The following AHNAK2 variants were observed in gnomAD, a reference collection of about 807,000 sequenced individuals.
AHNAK2 encodes the protein protein AHNAK2.
Under a neutral mutation model 30.7 loss-of-function variants are expected in AHNAK2, and 18 were observed. The observed-to-expected ratio is 0.59, with a 90% CI of 0.41 to 0.87. The LOEUF (loss-of-function observed/expected upper bound fraction) is 0.87, where lower values mean the gene tolerates loss of function less well. Among genes scored for constraint, AHNAK2 ranks in the 40% least tolerant of loss-of-function variants. The pLI, the probability that AHNAK2 is intolerant of heterozygous loss-of-function variation, is 0.00. For missense variants in AHNAK2, 8,604 were observed against 7,373.0 expected (o/e 1.17, Z -6.11); for synonymous variants, 3,590 against 3,073.8 (o/e 1.17, Z -5.56).
rs748455945 is a variant in AHNAK2 at position 104,949,679 on chromosome 14, G to A, written c.5772C>T (p.Pro1924=). The A allele has an allele frequency of 6.3e-7, 1 of 1,587,184 alleles. No homozygotes were observed. Among genetic ancestry groups the A allele is most frequent in the Non-Finnish European group, 8.6e-7 (1 of 1,162,874 alleles). The change falls in exon 7 of 7, where the codon CCC becomes CCT. Residue 1924 remains proline, a synonymous_variant. Transcript: ENST00000333244. ...GCTTGGCGCCCTTAACATCTGTCTG[G>A]GGGCCCTTGAGGTCCACTTTGGGCA... is the stretch of plus-strand genomic sequence containing the variant. ...FKMPKVDLKG[P]QTDVKGAKLD...
intron 1 of AHNAK2, among the ~76,000 whole-genome samples, chr14:104,975,157 G>A (rs77164713): frequency 0.017 from 2,533 of 152,316 alleles, 69 homozygotes; most frequent in African/African-American, 0.057. Context: ...CGACGAGCCC[G>A]GATGGGAGTG....
chr14:104,944,783 C>T lies in AHNAK2; in HGVS notation c.10668G>A (p.Leu3556=). 6.2e-7 allele frequency: 1 copy of T among 1,612,872 alleles called. No homozygotes were observed. Among genetic ancestry groups the T allele is most frequent in the Non-Finnish European group, 8.5e-7 (1 of 1,179,564 alleles). The change falls in exon 7 of 7, where the codon CTG becomes CTA. Residue 3556 remains leucine (L), a synonymous_variant. Coordinates refer to ENST00000333244, the MANE Select transcript of AHNAK2 (RefSeq NM_138420.4). ...VPEGAGLKGH[L]PKVEMPSLKT... ...TTAAACTGGGCATCTCCACTTTGGGCAGGTGCCCTTTGAGGCCGGCTCCCT... is the reference window on the plus strand; with the variant it reads ...TTAAACTGGGCATCTCCACTTTGGGTAGGTGCCCTTTGAGGCCGGCTCCCT...
rs757080764 is a variant in AHNAK2, at chr14:104,942,882, A to G, written c.12569T>C (p.Leu4190Pro). Residue 4190 changes from leucine (L) to proline (P), a missense_variant, in exon 7 of 7, where the codon CTG (leucine) becomes CCG (proline). Physicochemically the swap from Leu to Pro is moderately conservative, Grantham distance 98. Coordinates refer to ENST00000333244, the MANE Select transcript of AHNAK2 (RefSeq NM_138420.4). ...GTCCACTTGGCCAGCCTGGACCTCC[A>G]GGTCGGCGGAAGGGGACTGAATGCT... Reference protein sequence around the residue: ...DLSIQSPSADLEVQAGQVDVK... With the variant: ...DLSIQSPSADPEVQAGQVDVK... 6.2e-7 allele frequency: 1 copy of G among 1,612,756 alleles called. No individual in the cohort carries two copies. Among genetic ancestry groups the G allele is most frequent in the Middle Eastern group, 1.7e-4 (1 of 6,054 alleles).
chr14:104,964,968 C>T (rs1899258296), intron 1 of AHNAK2, among the ~76,000 whole-genome samples: 1 of 152,248 alleles, frequency 6.6e-6, no homozygotes, highest in Non-Finnish European at 1.5e-5. Flanking sequence ...ACTTGTCCAA[C>T]CCACGGCCCA....
rs1393583453 is a variant in AHNAK2, at chr14:104,953,577, TCTC to T, written c.1871_1873del (p.Arg624_Glu625delinsLys). Reference sequence around the variant, plus strand: ...TAATCCTTCCTCTGTGCGTCTCTGTTCTCTTCTATCAGCTGTTGCTGTGGCCTC... The same window carrying T: ...TAATCCTTCCTCTGTGCGTCTCTGTTTTCTATCAGCTGTTGCTGTGGCCTC... On this transcript the variant is annotated inframe_deletion, in exon 7 of 7. Coordinates refer to ENST00000333244, the MANE Select transcript of AHNAK2 (RefSeq NM_138420.4). 1.9e-6 allele frequency: 3 copies of T among 1,614,014 alleles called. No homozygotes were observed. Among genetic ancestry groups the T allele is most frequent in the Admixed American group, 1.7e-5 (1 of 60,024 alleles).
chr14:104,974,655 G>T (rs147132897), intron 1 of AHNAK2, among the ~76,000 whole-genome samples: 22 of 152,244 alleles, frequency 1.4e-4, no homozygotes, highest in Non-Finnish European at 3.1e-4. Flanking sequence ...TTCCTCTGCT[G>T]AGCTATGACC....
rs929752877 is a variant in AHNAK2 at position 104,945,417 on chromosome 14, G to A, written c.10034C>T (p.Pro3345Leu). 6 of 1,613,120 alleles carry A rather than the reference G, an allele frequency of 3.7e-6. No homozygotes were observed. In the African/African-American group the frequency reaches 4.0e-5, roughly 11 times the overall value. The stretch of plus-strand genomic sequence containing the variant: ...GGTCTTGAGGTCCCCCTGCATGGAG[G>A]GGAGGCTCACGTCGGCCTCCGCCTT... ...APKAEADVSL[P>L]SMQGDLKTTD... The change falls in exon 7 of 7, where the codon CCC (proline) becomes CTC (leucine). Residue 3345 changes from proline to leucine, a missense_variant. Transcript: ENST00000333244.
rs948214964 is a variant in AHNAK2, at chr14:104,937,891, G to A, written c.*172C>T. On this transcript the variant is annotated 3_prime_UTR_variant, in exon 7 of 7. Coordinates refer to ENST00000333244, the MANE Select transcript of AHNAK2 (RefSeq NM_138420.4). ...GCTGGGAAGCTTTGGTTCCATTTTA[G>A]GAGGGCTGTGTGATGGTGACAAAGG... The A allele has an allele frequency of 1.5e-5, 10 of 651,590 alleles. No homozygotes were observed. Among genetic ancestry groups the A allele is most frequent in the African/African-American group, 3.7e-5 (2 of 54,114 alleles). 40.4% of individuals were successfully genotyped at this position (651,590 alleles called of 1,614,324 possible).
chr14:104,978,140 C>T (rs946406845), intron 1 of AHNAK2, 43 bp downstream of exon 1: 2 of 1,205,518 alleles, frequency 1.7e-6, no homozygotes, highest in African/African-American at 3.2e-5. Context: ...GCGCGTAGCC[C>T]ACCCGCCCCA....
Position 104,978,341 on chromosome 14 carries a change from G to A in AHNAK2, c.-104C>T, listed in dbSNP as rs1181029982. 3.7e-6 allele frequency: 3 copies of A among 819,056 alleles called. No homozygotes were observed. The highest frequency in any genetic ancestry group is 3.0e-6 in the Non-Finnish European group (2 of 664,814). The allele number at this position is 819,056 out of a possible 1,614,324, so 50.7% of individuals were successfully genotyped here. The stretch of plus-strand genomic sequence containing the variant: ...GGCGGGAGCCGCGCTCTGCCCCGCT[G>A]CCCTGCGCTGCCGCGGGCGGCCGAC... On this transcript the variant is annotated 5_prime_UTR_variant, in exon 1 of 7. Transcript: ENST00000333244.
In AHNAK2 at chr14:104,953,835, G is replaced by A. The variant is rs143515877; in HGVS notation, c.1616C>T (p.Pro539Leu). 158 of 1,613,840 alleles carry A rather than the reference G, an allele frequency of 9.8e-5. No homozygotes were observed. The highest frequency in any genetic ancestry group is 2.2e-4 in the Admixed American group (13 of 59,994). The stretch of plus-strand genomic sequence containing the variant: ...TGCATGTGTGGTTGGTTCCCTGCCC[G>A]GCATCCACCCGGCTCCTTCCACCTC... ...GEEVEGAGWMPGREPTTHAEA... is the reference protein window; with the variant it reads ...GEEVEGAGWMLGREPTTHAEA... Residue 539 changes from proline to leucine, a missense_variant, in exon 7 of 7, where the codon CCG (proline) becomes CTG (leucine). Coordinates refer to ENST00000333244, the MANE Select transcript of AHNAK2 (RefSeq NM_138420.4).
In AHNAK2 at chr14:104,945,998, C is replaced by G. The variant is rs202104959; in HGVS notation, c.9453G>C (p.Pro3151=). 4.9e-5 allele frequency: 65 copies of G among 1,327,556 alleles called. 13 individuals are homozygous for G. The highest frequency in any genetic ancestry group is 2.0e-4 in the East Asian group (9 of 44,204). The allele number at this position is 1,327,556 out of a possible 1,614,324, so 82.2% of individuals were successfully genotyped here. ...SKFKMPKFKM[P]SFGVSAPGKS... ...TGCCTGGGGCAGACACCCCGAACGA[C>G]GGCATCTTGAACTTGGGCATTTTGA... Residue 3151 remains proline, a synonymous_variant, in exon 7 of 7, where the codon CCG becomes CCC. Coordinates refer to ENST00000333244, the MANE Select transcript of AHNAK2 (RefSeq NM_138420.4).
rs376056289 is a variant in AHNAK2, at chr14:104,950,807, A to T, written c.4644T>A (p.Ala1548=). Residue 1548 remains alanine, a synonymous_variant, in exon 7 of 7, where the codon GCT becomes GCA. Transcript: ENST00000333244. ...ATDLSIQPPS[A]DLEVQAGQVD... The stretch of plus-strand genomic sequence containing the variant: ...CTTGGCCAGCCTGGACCTCCAGGTC[A>T]GCAGAAGGGGGCTGTATGCTCAGGT... 1.2e-5 allele frequency: 19 copies of T among 1,585,026 alleles called. 1 individual carries two copies. The African/African-American group carries it at 2.2e-4, about 18-fold the overall frequency.
In AHNAK2 at chr14:104,939,463, G is replaced by A; in HGVS notation, c.15988C>T (p.Leu5330Phe). Residue 5330 changes from leucine (L) to phenylalanine (F), a missense_variant, in exon 7 of 7, where the codon CTT becomes TTT. By Grantham distance (22) the Leu-to-Phe change is conservative (BLOSUM62 0). Coordinates refer to ENST00000333244, the MANE Select transcript of AHNAK2 (RefSeq NM_138420.4). The stretch of plus-strand genomic sequence containing the variant: ...GCAAGGTCATGTCCTGGCTTGGAAA[G>A]AGGAGTCTCATCTATTTCTCCTGGA... ...VLPGEIDETP[L>F]SKPGHDLASM... 5 of 1,613,464 alleles carry A rather than the reference G, an allele frequency of 3.1e-6. No individual in the cohort carries two copies. The highest frequency in any genetic ancestry group is 4.2e-6 in the Non-Finnish European group (5 of 1,179,796).
In AHNAK2 at chr14:104,945,278, C is replaced by T. The variant is rs1386425942; in HGVS notation, c.10173G>A (p.Leu3391=). 5 of 1,612,870 alleles carry T rather than the reference C, an allele frequency of 3.1e-6. No individual in the cohort carries two copies. Among genetic ancestry groups the T allele is most frequent in the Non-Finnish European group, 4.2e-6 (5 of 1,179,554 alleles). Residue 3391 remains leucine, a synonymous_variant, in exon 7 of 7, where the codon CTG becomes CTA. Coordinates refer to ENST00000333244, the MANE Select transcript of AHNAK2 (RefSeq NM_138420.4). ...TGAAACTGGGCATCTCCACCTTGGG[C>T]AGGTGCCCTTTGAGGCCAGCTCCCT... The part of the protein sequence containing the change: ...VPEGAGLKGH[L]PKVEMPSFKM...
intron 1 of AHNAK2, among the ~76,000 whole-genome samples, chr14:104,977,675 C>T (rs56058013): frequency 0.27 from 41,281 of 152,148 alleles, 7,346 homozygotes; most frequent in Non-Finnish European, 0.41. Flanking sequence ...ACTCCTGGAC[C>T]AGCCTGGCTG....
intron 1 of AHNAK2, 26 bp downstream of exon 1, chr14:104,978,157 C>A (rs1044339623): frequency 2.5e-6 from 3 of 1,209,186 alleles, no homozygotes; most frequent in African/African-American, 3.2e-5. Flanking sequence ...CCCAGGGGAG[C>A]GGGCTGCAGG....
Position 104,951,869 on chromosome 14 carries a change from C to G in AHNAK2, c.3582G>C (p.Glu1194Asp). Residue 1194 changes from glutamate (E) to aspartate (D), a missense_variant, in exon 7 of 7, where the codon GAG becomes GAC. Glu to Asp is a conservative substitution (Grantham distance 45). Transcript: ENST00000333244. ...GCATGGAGGGGAGACTCACGTCGGC[C>G]TCCACTTTGGGTGCAGACACATCCA... ...ASVDVSAPKV[E>D]ADVSLPSMQG... 2 of 1,608,116 alleles carry G rather than the reference C, an allele frequency of 1.2e-6. No individual in the cohort carries two copies. Among genetic ancestry groups the G allele is most frequent in the African/African-American group, 2.7e-5 (2 of 73,588 alleles).
intron 1 of AHNAK2, among the ~76,000 whole-genome samples, chr14:104,964,271 C>G (rs1399046493): frequency 6.6e-6 from 1 of 152,154 alleles, no homozygotes; most frequent in Non-Finnish European, 1.5e-5. Flanking sequence ...CTGGGCAATG[C>G]TAACAAAACC....
Sources: gnomAD v4.1 joint callset for allele counts (sites outside exome capture counted in the v4.1 genomes callset) on GRCh38, gnomAD v4.1.1 for gene constraint, MANE v1.5 for transcripts, NCBI Gene and HGNC (gene_info 2026-07-23, HGNC 2026-07-21) for gene names.